CFAP46: variants seen among roughly 807,000 people sequenced by gnomAD.
CFAP46 encodes cilia- and flagella-associated protein 46.
In CFAP46, 245 loss-of-function variants were observed where a neutral mutation model predicts 325.7. The ratio of observed to expected loss-of-function variants is 0.75; its 90% CI spans 0.68 to 0.84. The LOEUF (loss-of-function observed/expected upper bound fraction) is 0.84, where lower values mean the gene tolerates loss of function less well. Ranked by LOEUF, CFAP46 falls within the 40% of genes least tolerant of loss-of-function variation. The probability of loss-of-function intolerance (pLI) is 0.00; values close to 1 mark genes in which losing one functional copy is unlikely to be tolerated. For synonymous variants in CFAP46, 1,523 were observed against 1,495.9 expected, an observed-to-expected ratio of 1.02 and a Z score of -0.42; for missense variants, 3,346 against 3,543.0, an observed-to-expected ratio of 0.94 and a Z score of 1.41.
chr10:132,935,725 C>T, intron 7 of CFAP46, among the ~76,000 whole-genome samples: 1 of 126,824 alleles, frequency 7.9e-6, no homozygotes, highest in African/African-American at 3.4e-5. Flanking sequence ...CTCCCCTCGG[C>T]ACCCAAACAC....
chr10:132,918,946 T>C (rs945238202), intron 15 of CFAP46, among the ~76,000 whole-genome samples: 3 of 152,180 alleles, frequency 2.0e-5, no homozygotes, highest in Admixed American at 2.0e-4. Flanking sequence ...CGGGTGCTGA[T>C]TGATGAGCCT....
chr10:132,856,143 G>A (rs908009299), intron 39 of CFAP46, among the ~76,000 whole-genome samples: 16 of 152,332 alleles, frequency 1.1e-4, no homozygotes, highest in African/African-American at 3.8e-4. Context: ...CCTTCACAGA[G>A]GTCCCTGCGC....
chr10:132,845,726 C>G (rs764586528), intron 44 of CFAP46, among the ~76,000 whole-genome samples: 3 of 152,266 alleles, frequency 2.0e-5, no homozygotes, highest in Non-Finnish European at 4.4e-5. Context: ...AGGGAACATG[C>G]AGCTCCGATC....
At chr10:132,938,860 C>T (rs1850055876) in intron 4 of CFAP46, 107 bp from the exon 5 acceptor site, 3 of 1,031,768 alleles carry the variant, frequency 2.9e-6, no homozygotes, top group African/African-American at 1.6e-5. Context: ...GGAGGGGCCT[C>T]AGGTCCTCTC....
intron 50 of CFAP46, among the ~76,000 whole-genome samples, chr10:132,818,426 A>G (rs974996050): frequency 2.7e-4 from 41 of 152,146 alleles, no homozygotes; most frequent in Non-Finnish European, 1.2e-4. Flanking sequence ...AACCCCGAAC[A>G]CACCTAATGA....
At chr10:132,880,398 T>C (rs1006215957) in intron 28 of CFAP46, among the ~76,000 whole-genome samples, 6 of 152,224 alleles carry the variant, frequency 3.9e-5, no homozygotes, top group Non-Finnish European at 8.8e-5. Context: ...GCCAAGGGCC[T>C]GCTGAGGAGC....
At chr10:132,820,255 C>T (rs954020534) in intron 50 of CFAP46, among the ~76,000 whole-genome samples, 1 of 152,210 alleles carries the variant, frequency 6.6e-6, no homozygotes, top group African/African-American at 2.4e-5. Context: ...AAGCCAGGCA[C>T]CGAAGGCCAG....
In CFAP46 at chr10:132,919,257, C is replaced by T. The variant is rs1849683586; in HGVS notation, c.1858+58G>A. Reference sequence around the variant, plus strand: ...TCATTGCACGAACCACAACCCTTCCCACACCCAGAGGGCGGCCGTGGCCAG... The same window carrying T: ...TCATTGCACGAACCACAACCCTTCCTACACCCAGAGGGCGGCCGTGGCCAG... On this transcript the variant is annotated intron_variant, in intron 15 of 57. Coordinates refer to ENST00000368586, the MANE Select transcript of CFAP46 (RefSeq NM_001200049.3). The surrounding 1 kb of genome is among the most constrained non-coding windows in gnomAD (Gnocchi z 9.7). 6.6e-7 allele frequency: 1 copy of T among 1,507,618 alleles called. No individual in the cohort carries two copies. The highest frequency in any genetic ancestry group is 1.3e-5 in the South Asian group (1 of 79,052). 93.4% of individuals were successfully genotyped at this position (1,507,618 alleles called of 1,614,324 possible). A position where few individuals can be genotyped will look rare whatever the true frequency, so the allele number is the denominator to read the frequency against.
intron 35 of CFAP46, among the ~76,000 whole-genome samples, chr10:132,862,120 G>A (rs550902331): frequency 1.3e-5 from 2 of 152,356 alleles, no homozygotes; most frequent in South Asian, 4.1e-4. Flanking sequence ...TGGGCAGTCA[G>A]GTGGCCTGAG....
intron 8 of CFAP46, among the ~76,000 whole-genome samples, chr10:132,930,131 C>T (rs1849870734): frequency 6.6e-6 from 1 of 152,096 alleles, no homozygotes; most frequent in Non-Finnish European, 1.5e-5. Context: ...TGACGACATG[C>T]GTACTCAAAG....
At chr10:132,836,665 T>C in intron 45 of CFAP46, 152 bp downstream of exon 45, 1 of 697,044 alleles carries the variant, frequency 1.4e-6, no homozygotes, top group Non-Finnish European at 2.5e-6. Flanking sequence ...CCGGTGTCTG[T>C]CCGGCACCTT....
Position 132,886,012 on chromosome 10 carries a change from G to C in CFAP46, c.3305-53C>G. ...GGAGCCGCCTGATCCCTCATCAAAG[G>C]CGCCCTCGGACCTCCCAGACTAAGC... On this transcript the variant is annotated intron_variant, in intron 25 of 57. Transcript: ENST00000368586. The surrounding 1 kb of genome is among the most constrained non-coding windows in gnomAD (Gnocchi z 5.8). 2 of 1,537,562 alleles carry C rather than the reference G, an allele frequency of 1.3e-6. No individual in the cohort carries two copies. Among genetic ancestry groups the C allele is most frequent in the South Asian group, 2.4e-5 (2 of 82,990 alleles).
chr10:132,868,092 G>A (rs1053120219), intron 33 of CFAP46, among the ~76,000 whole-genome samples: 10 of 152,320 alleles, frequency 6.6e-5, no homozygotes, highest in Admixed American at 1.3e-4. Flanking sequence ...GCCCCAGGGC[G>A]TTTTCGTCCT....
At chr10:132,833,242 T>C (rs1848180647) in intron 50 of CFAP46, 116 bp downstream of exon 50, 3 of 1,045,550 alleles carry the variant, frequency 2.9e-6, no homozygotes, top group Non-Finnish European at 4.2e-6. Flanking sequence ...CCTAGAAAAA[T>C]GTTGCAACAT....
intron 50 of CFAP46, among the ~76,000 whole-genome samples, chr10:132,824,429 A>T (rs1441533992): frequency 2.3e-5 from 2 of 86,178 alleles, no homozygotes; most frequent in Admixed American, 2.9e-4. Flanking sequence ...GTGAGTGCTG[A>T]TGTGTGCTGT....
At chr10:132,857,317 TCAGGTCAC>T (rs1427716308) in intron 39 of CFAP46, among the ~76,000 whole-genome samples, 2 of 152,224 alleles carry the variant, frequency 1.3e-5, no homozygotes, top group South Asian at 4.1e-4. Context: ...ATCCTGTGAC[TCAGGTCAC>T]CAGCGGACTC....
Position 132,877,721 on chromosome 10 carries a change from G to A in CFAP46, c.4212+160C>T, listed in dbSNP as rs796317183. ...CACTGAGGCCACCTGGGGCTCCTCC[G>A]AGAACCCTGACAGGCAGGGAAACTG... On this transcript the variant is annotated intron_variant, in intron 30 of 57. Transcript: ENST00000368586. This position sits in a 1 kb window ranked among gnomAD's most constrained non-coding sequence, Gnocchi z 5.7. Among the ~76,000 whole-genome samples the A allele has an allele frequency of 1.3e-5, 2 of 151,350 alleles. No individual in the cohort carries two copies. Among genetic ancestry groups the A allele is most frequent in the Non-Finnish European group, 3.0e-5 (2 of 67,674 alleles).
chr10:132,829,625 C>T (rs1591040039), intron 50 of CFAP46, among the ~76,000 whole-genome samples: 2 of 152,356 alleles, frequency 1.3e-5, no homozygotes, highest in Admixed American at 1.3e-4. Flanking sequence ...ATGGCCTCAG[C>T]CTCCTGCCAA....
chr10:132,908,360 T>G, intron 22 of CFAP46, 108 bp downstream of exon 22: 2 of 1,347,660 alleles, frequency 1.5e-6, no homozygotes, highest in Non-Finnish European at 2.0e-6. Flanking sequence ...CCTGCCCGTT[T>G]TGGGGAACTG....
Sources: allele counts gnomAD v4.1 joint callset (sites outside exome capture counted in the v4.1 genomes callset), GRCh38; gene constraint gnomAD v4.1.1; non-coding constraint Gnocchi (gnomAD v3.1); transcripts MANE v1.5; gene names NCBI Gene and HGNC (gene_info 2026-07-23, HGNC 2026-07-21).